LRBA: variants seen among roughly 807,000 people sequenced by gnomAD.
LRBA encodes lipopolysaccharide-responsive and beige-like anchor protein.
Under a neutral mutation model 330.0 loss-of-function variants are expected in LRBA, and 176 were observed. The observed-to-expected ratio is 0.53, with a 90% CI of 0.47 to 0.60. The LOEUF (loss-of-function observed/expected upper bound fraction) is 0.60. Ranked by LOEUF, LRBA falls within the 20% of genes least tolerant of loss-of-function variation. LRBA has a pLI of 0.00. For synonymous variants in LRBA, 1,230 were observed against 1,193.0 expected (o/e 1.03, Z -0.64); for missense variants, 3,259 against 3,444.8 (o/e 0.95, Z 1.35).
intron 30 of LRBA, among the ~76,000 whole-genome samples, chr4:150,825,381 G>T (rs192950095): frequency 1.4e-3 from 220 of 151,948 alleles, no homozygotes; most frequent in Admixed American, 7.1e-3. Flanking sequence ...TATGGGGCAG[G>T]GGGGGAAGGA....
chr4:150,920,274 C>A (rs975487414), intron 5 of LRBA, among the ~76,000 whole-genome samples: 2 of 152,084 alleles, frequency 1.3e-5, no homozygotes, highest in Non-Finnish European at 2.9e-5. Flanking sequence ...TTGGGCCGGG[C>A]GTGGTGACTC....
chr4:150,921,743 C>T (rs1024880430), intron 4 of LRBA, among the ~76,000 whole-genome samples: 3 of 151,196 alleles, frequency 2.0e-5, no homozygotes, highest in Admixed American at 6.6e-5. Context: ...TTTTTTCTTT[C>T]GAGATGGAGT....
At chr4:150,365,783 C>A (rs1739383336) in intron 47 of LRBA, among the ~76,000 whole-genome samples, 1 of 114,958 alleles carries the variant, frequency 8.7e-6, no homozygotes, top group African/African-American at 3.3e-5. Flanking sequence ...AAGAGTGAAA[C>A]TCTGTCTCAA....
At chr4:150,556,513 T>C (rs950856572) in intron 40 of LRBA, among the ~76,000 whole-genome samples, 2 of 152,226 alleles carry the variant, frequency 1.3e-5, no homozygotes, top group Admixed American at 1.3e-4. Context: ...ATTATATACA[T>C]AGTTACACAG....
intron 2 of LRBA, among the ~76,000 whole-genome samples, chr4:150,992,082 A>G (rs1231212339): frequency 1.3e-5 from 2 of 152,262 alleles, no homozygotes; most frequent in East Asian, 3.9e-4. Context: ...TTGGGAGGCC[A>G]AGGCAGGTAC....
intron 47 of LRBA, among the ~76,000 whole-genome samples, chr4:150,406,435 T>C (rs1746203183): frequency 6.6e-6 from 1 of 152,176 alleles, no homozygotes; most frequent in Non-Finnish European, 1.5e-5. Flanking sequence ...TCCAACTATA[T>C]GCTATCTACA....
intron 46 of LRBA, chr4:150,423,518 G>A: frequency 2.2e-6 from 1 of 462,104 alleles, no homozygotes; most frequent in South Asian, 2.2e-5. Flanking sequence ...GGGTGTCCTG[G>A]AGCCACAGAG....
chr4:150,660,473 G>A (rs1780906960), intron 37 of LRBA, among the ~76,000 whole-genome samples: 1 of 151,694 alleles, frequency 6.6e-6, no homozygotes, highest in African/African-American at 2.4e-5. Context: ...CGTCCGGGAG[G>A]GAGGTGGGGG....
At position 150,302,829 on chromosome 4, in the gene LRBA, A is replaced by G. The variant is rs750670725; in HGVS notation, c.7850-37T>C. ...AACAATTTTCTTTAAAAATGCTATT[A>G]AAAAAATAAAAATTCTAGTGAACAG... On this transcript the variant is annotated intron_variant, in intron 52 of 56. Transcript: ENST00000651943. 8.8e-6 allele frequency: 13 copies of G among 1,484,260 alleles called. No homozygotes were observed. The Admixed American group carries it at 2.5e-4, about 28-fold the overall frequency. The allele number at this position is 1,484,260 out of a possible 1,614,324, so 91.9% of individuals were successfully genotyped here. A position where few individuals can be genotyped will look rare whatever the true frequency, so the allele number is the denominator to read the frequency against.
intron 41 of LRBA, among the ~76,000 whole-genome samples, chr4:150,489,153 G>GACTATAT (rs1172717993): frequency 3.4e-4 from 21 of 62,140 alleles, no homozygotes; most frequent in Admixed American, 1.3e-3. Context: ...TAATATATCA[G>GACTATAT]AATATATAAT....
chr4:150,770,107 T>TG (rs1323779033), intron 34 of LRBA, among the ~76,000 whole-genome samples: 1 of 152,154 alleles, frequency 6.6e-6, no homozygotes, highest in East Asian at 1.9e-4. Flanking sequence ...CCGAATAAAA[T>TG]GAAAAGGCAG....
At chr4:150,457,749 T>C (rs564708624) in intron 44 of LRBA, among the ~76,000 whole-genome samples, 77 of 152,088 alleles carry the variant, frequency 5.1e-4, no homozygotes, top group African/African-American at 1.8e-3. Context: ...AAATAGTTCC[T>C]ATGTAAATTC....
chr4:150,300,739 A>G (rs1016086607), intron 53 of LRBA, among the ~76,000 whole-genome samples: 2 of 152,154 alleles, frequency 1.3e-5, no homozygotes, highest in African/African-American at 4.8e-5. Context: ...ATTTAAATGT[A>G]TACATATATC....
intron 36 of LRBA, among the ~76,000 whole-genome samples, chr4:150,715,884 T>C (rs1728135542): frequency 6.6e-6 from 1 of 152,218 alleles, no homozygotes; most frequent in Admixed American, 6.5e-5. Flanking sequence ...CATGATAATA[T>C]GAAGGAAAAA....
chr4:150,294,677 C>T (rs960143310), intron 53 of LRBA, among the ~76,000 whole-genome samples: 5 of 152,150 alleles, frequency 3.3e-5, no homozygotes, highest in Non-Finnish European at 4.4e-5. Context: ...GCAGGCCAGG[C>T]GCAGTGGCTC....
intron 36 of LRBA, among the ~76,000 whole-genome samples, chr4:150,725,450 G>A (rs1435598796): frequency 6.6e-6 from 1 of 152,162 alleles, no homozygotes; most frequent in Non-Finnish European, 1.5e-5. Context: ...AGTGCTGAAA[G>A]AAAAACACTT....
intron 36 of LRBA, among the ~76,000 whole-genome samples, chr4:150,733,597 CA>C (rs1730794186): frequency 2.0e-5 from 3 of 151,358 alleles, no homozygotes; most frequent in African/African-American, 7.3e-5. Context: ...CACACACACA[CA>C]CCTCAAGACC....
intron 53 of LRBA, among the ~76,000 whole-genome samples, chr4:150,289,296 G>A (rs1442503769): frequency 6.6e-6 from 1 of 152,074 alleles, no homozygotes; most frequent in Non-Finnish European, 1.5e-5. Context: ...ACACACACAT[G>A]CAGAGTAATT....
At chr4:150,350,671 T>G (rs549773578) in intron 47 of LRBA, among the ~76,000 whole-genome samples, 194 of 152,276 alleles carry the variant, frequency 1.3e-3, no homozygotes, top group Admixed American at 2.3e-3. Flanking sequence ...GCATAATTAA[T>G]TACAATAAAT....
Sources: gnomAD v4.1 joint callset for allele counts (sites outside exome capture counted in the v4.1 genomes callset) on GRCh38, gnomAD v4.1.1 for gene constraint, MANE v1.5 for transcripts, NCBI Gene and HGNC (gene_info 2026-07-23, HGNC 2026-07-21) for gene names.